The following DNAJC13 variants were observed in gnomAD, a reference collection of about 807,000 sequenced individuals.
DNAJC13 encodes the protein dnaJ homolog subfamily C member 13.
DNAJC13 carries 75 observed loss-of-function variants against 290.5 expected under a neutral mutation model. The observed-to-expected ratio is 0.26, with a 90% CI of 0.21 to 0.31. The LOEUF (loss-of-function observed/expected upper bound fraction) is 0.31, where lower values mean the gene tolerates loss of function less well. Among genes scored for constraint, DNAJC13 ranks in the 10% least tolerant of loss-of-function variants. DNAJC13 has a pLI of 1.00. For missense variants in DNAJC13, 2,260 were observed against 2,674.5 expected (o/e 0.85, Z 3.42); for synonymous variants, 862 against 892.0 (o/e 0.97, Z 0.60).
chr3:132,442,009 T>G (rs1366353504), intron 2 of DNAJC13, among the ~76,000 whole-genome samples: 1 of 151,924 alleles, frequency 6.6e-6, no homozygotes, highest in Non-Finnish European at 1.5e-5. Flanking sequence ...CACATTGGTT[T>G]TTTTTTTTAT....
chr3:132,523,024 A>C, intron 49 of DNAJC13, 27 bp downstream of exon 49: 1 of 1,604,608 alleles, frequency 6.2e-7, no homozygotes, highest in Non-Finnish European at 8.5e-7. Flanking sequence ...GTAATAATTT[A>C]TAGCCTTTAA....
intron 20 of DNAJC13, 181 bp downstream of exon 20, chr3:132,467,494 CTTGCTCTG>C (rs1262112433): frequency 1.7e-6 from 1 of 573,920 alleles, no homozygotes; most frequent in African/African-American, 1.9e-5. Flanking sequence ...GAGACAGAGC[CTTGCTCTG>C]TTGCACAGGC....
chr3:132,418,406 C>T (rs751745274), intron 1 of DNAJC13, among the ~76,000 whole-genome samples: 10 of 152,160 alleles, frequency 6.6e-5, no homozygotes, highest in Non-Finnish European at 1.3e-4. Context: ...AGTGAAGTGG[C>T]TGTTAATCAC....
chr3:132,494,247 A>C lies in DNAJC13; in HGVS notation c.3929A>C (p.Gln1310Pro). The change falls in exon 34 of 56, where the codon CAA (glutamine) becomes CCA (proline). Residue 1310 changes from glutamine to proline, a missense_variant. By Grantham distance (76) the Gln-to-Pro change is moderately conservative. This residue lies in a region of DNAJC13 where 1,494 missense variants were observed against 1,693.7 expected (regional missense o/e 0.88). Coordinates refer to ENST00000260818, the MANE Select transcript of DNAJC13 (RefSeq NM_015268.4). Reference protein sequence around the residue: ...DDAYEVLNLPQGQGPHDESKI... With the variant: ...DDAYEVLNLPPGQGPHDESKI... ...GCTTATGAAGTGCTTAATCTGCCTC[A>C]AGGACAGGGACCGTGAGTTGTTTTC... 6.2e-7 allele frequency: 1 copy of C among 1,612,680 alleles called. No homozygotes were observed. The highest frequency in any genetic ancestry group is 8.5e-7 in the Non-Finnish European group (1 of 1,179,170).
rs768428979 is a variant in DNAJC13, at chr3:132,499,767, G to A, written c.4375G>A (p.Val1459Ile). 1.9e-6 allele frequency: 3 copies of A among 1,614,178 alleles called. No homozygotes were observed. The highest frequency in any genetic ancestry group is 2.5e-6 in the Non-Finnish European group (3 of 1,180,020). The change falls in exon 38 of 56, where the codon GTC (valine) becomes ATC (isoleucine). Residue 1459 changes from valine (V) to isoleucine (I), a missense_variant. Val to Ile is a conservative substitution (Grantham distance 29). Around this residue, in one of 3 missense-constraint regions of DNAJC13, gnomAD observed 1,494 missense variants for 1,693.7 expected, o/e 0.88. Transcript: ENST00000260818. ...AGAGGCATTTAGTCGCTGTGTGGCT[G>A]TCTTGACTCGTGCTAGTAAACCAAG... Reference protein sequence around the residue: ...LQEAFSRCVAVLTRASKPSDM... With the variant: ...LQEAFSRCVAILTRASKPSDM...
intron 31 of DNAJC13, among the ~76,000 whole-genome samples, chr3:132,489,619 G>A (rs1329426869): frequency 6.6e-6 from 1 of 151,978 alleles, no homozygotes; most frequent in Non-Finnish European, 1.5e-5. Context: ...ATGGAGCATG[G>A]ATTTTTTTTT....
chr3:132,523,530 C>T lies in DNAJC13; in HGVS notation c.5887-10C>T. The T allele has an allele frequency of 1.2e-6, 2 of 1,605,904 alleles. No individual in the cohort carries two copies. Among genetic ancestry groups the T allele is most frequent in the Non-Finnish European group, 1.7e-6 (2 of 1,177,640 alleles). On this transcript the variant is annotated splice_polypyrimidine_tract_variant and intron_variant, in intron 50 of 55. Transcript: ENST00000260818. ...AAGTGACTTGACTGTGGTTCTTTCT[C>T]TATTTAAAGTTGCCTGAAGATTTTG... is the stretch of plus-strand genomic sequence containing the variant.
intron 41 of DNAJC13, 57 bp downstream of exon 41, chr3:132,503,438 G>A: frequency 5.7e-6 from 9 of 1,582,230 alleles, no homozygotes; most frequent in Non-Finnish European, 7.8e-6. Flanking sequence ...CCTTTAAGCA[G>A]TAAAGTAGTA....
intron 1 of DNAJC13, among the ~76,000 whole-genome samples, chr3:132,433,753 G>A (rs999005912): frequency 6.6e-6 from 1 of 152,192 alleles, no homozygotes; most frequent in African/African-American, 2.4e-5. Context: ...CAGATTTAAA[G>A]CTTTATTTAT....
chr3:132,519,060 T>A (rs6781613), intron 48 of DNAJC13, among the ~76,000 whole-genome samples: 91,109 of 152,146 alleles, frequency 0.6, 29,466 homozygotes, highest in East Asian at 0.87. Context: ...TTTATCTCAA[T>A]GGACACATGG....
chr3:132,472,465 G>C (rs556484194), intron 20 of DNAJC13: 350 of 687,776 alleles, frequency 5.1e-4, no homozygotes, highest in Non-Finnish European at 6.1e-4. Flanking sequence ...AGATAATTTT[G>C]TATTGATGTG....
rs761290354 is a variant in DNAJC13 at position 132,507,341 on chromosome 3, T to C, written c.5103T>C (p.Thr1701=). 6.3e-7 allele frequency: 1 copy of C among 1,589,328 alleles called. No individual in the cohort carries two copies. Among genetic ancestry groups the C allele is most frequent in the South Asian group, 1.1e-5 (1 of 90,130 alleles). The change falls in exon 43 of 56, where the codon ACT becomes ACC. Residue 1701 remains threonine, a synonymous_variant. Coordinates refer to ENST00000260818, the MANE Select transcript of DNAJC13 (RefSeq NM_015268.4). The part of the protein sequence containing the change: ...IFVRVYNEVP[T]FQLEVPKAFA... ...TTAGGGTGTATAATGAAGTTCCTAC[T>C]TTCCAACTGGAGGTAAGCTCTCTGC... is the stretch of plus-strand genomic sequence containing the variant.
chr3:132,525,116 G>A (rs1022845414), intron 51 of DNAJC13, among the ~76,000 whole-genome samples: 4 of 152,124 alleles, frequency 2.6e-5, no homozygotes, highest in Admixed American at 1.3e-4. Flanking sequence ...CAAGGCGGGC[G>A]GATCACCTGA....
intron 38 of DNAJC13, 120 bp from the exon 39 acceptor site, chr3:132,500,674 G>T: frequency 7.6e-7 from 1 of 1,311,082 alleles, no homozygotes; most frequent in Non-Finnish European, 1.0e-6. Flanking sequence ...TTTAATTTTG[G>T]AACATTGTAT....
At chr3:132,457,022 C>G (rs957007277) in intron 12 of DNAJC13, among the ~76,000 whole-genome samples, 190 bp downstream of exon 12, 2 of 152,134 alleles carry the variant, frequency 1.3e-5, no homozygotes, top group South Asian at 4.1e-4. Flanking sequence ...CCCATACTCA[C>G]CAGTAATATA....
In DNAJC13 at chr3:132,487,559, A is replaced by ATTTTTTTTTTTTTTTT. The variant is rs10663131; in HGVS notation, c.3268-734_3268-719dup. Among the ~76,000 whole-genome samples the ATTTTTTTTTTTTTTTT allele has an allele frequency of 2.4e-3, 270 of 110,408 alleles. 43 individuals carry two copies. Among genetic ancestry groups the ATTTTTTTTTTTTTTTT allele is most frequent in the African/African-American group, 0.013 (246 of 18,758 alleles). The allele number at this position is 110,408 out of a possible 152,430, so 72.4% of individuals were successfully genotyped here. On this transcript the variant is annotated intron_variant, in intron 29 of 55. Coordinates refer to ENST00000260818, the MANE Select transcript of DNAJC13 (RefSeq NM_015268.4). Reference sequence around the variant, plus strand: ...GCGTGAGCCACCATGCCTGGCTGTAATTTTTTTTTTTTTTTTTTTTACTGG... The same window carrying ATTTTTTTTTTTTTTTT: ...GCGTGAGCCACCATGCCTGGCTGTAATTTTTTTTTTTTTTTTTTTTTTTTTTTTTTTTTTTTACTGG...
intron 20 of DNAJC13, among the ~76,000 whole-genome samples, chr3:132,467,981 T>C (rs1934058408): frequency 6.6e-6 from 1 of 152,246 alleles, no homozygotes; most frequent in Non-Finnish European, 1.5e-5. Flanking sequence ...AAAGGTGCTC[T>C]TCCTGTTAGC....
intron 36 of DNAJC13, 38 bp downstream of exon 36, chr3:132,496,701 G>T: frequency 6.4e-7 from 1 of 1,566,826 alleles, no homozygotes; most frequent in Non-Finnish European, 8.6e-7. Context: ...TTATCCTCCA[G>T]CTAACCTTAT....
Position 132,503,916 on chromosome 3 carries a change from A to G in DNAJC13, c.4884+535A>G, listed in dbSNP as rs545300089. 1.5e-3 allele frequency among the ~76,000 whole-genome samples: 232 copies of G among 152,298 alleles called. 1 individual carries two copies. The highest frequency in any genetic ancestry group is 2.7e-3 in the Non-Finnish European group (184 of 68,008). On this transcript the variant is annotated intron_variant, in intron 41 of 55. Coordinates refer to ENST00000260818, the MANE Select transcript of DNAJC13 (RefSeq NM_015268.4). ...TTATTGAGAAATAATCTGAGAATGTAGCACTAAAGAATTTGATAAACTATA... is the reference window on the plus strand; with the variant it reads ...TTATTGAGAAATAATCTGAGAATGTGGCACTAAAGAATTTGATAAACTATA...
Sources: allele counts gnomAD v4.1 joint callset (sites outside exome capture counted in the v4.1 genomes callset), GRCh38; gene constraint gnomAD v4.1.1; regional missense constraint gnomAD v4.1.1; transcripts MANE v1.5; gene names NCBI Gene and HGNC (gene_info 2026-07-23, HGNC 2026-07-21).